ROBO1: variants seen among roughly 807,000 people sequenced by gnomAD.
The protein encoded by ROBO1 is roundabout guidance receptor 1, also known as roundabout homolog 1.
ROBO1 carries 149 observed loss-of-function variants against 195.9 expected under a neutral mutation model. The ratio of observed to expected loss-of-function variants is 0.76; its 90% confidence interval spans 0.67 to 0.87. ROBO1 has a LOEUF of 0.87. Ranked by LOEUF, ROBO1 falls within the 40% of genes least tolerant of loss-of-function variation. The probability of loss-of-function intolerance (pLI) is 0.00; values close to 1 mark genes in which losing one functional copy is unlikely to be tolerated. For synonymous variants in ROBO1, 816 were observed against 733.2 expected, an observed-to-expected ratio of 1.11 and a Z score of -1.82; for missense variants, 1,933 against 2,068.3, an observed-to-expected ratio of 0.93 and a Z score of 1.27.
At chr3:79,506,198 CA>C (rs924575753) in intron 2 of ROBO1, among the ~76,000 whole-genome samples, 2 of 151,526 alleles carry the variant, frequency 1.3e-5, no homozygotes, top group African/African-American at 4.9e-5. Context: ...ATATGCTTTA[CA>C]AAAAAAGCCT....
At chr3:78,990,705 C>T (rs1395559527) in intron 3 of ROBO1, among the ~76,000 whole-genome samples, 1 of 151,942 alleles carries the variant, frequency 6.6e-6, no homozygotes, top group East Asian at 1.9e-4. Context: ...TTTAGTTAGG[C>T]TTTATTAAAA....
At chr3:78,711,033 C>T (rs1388168260) in intron 8 of ROBO1, among the ~76,000 whole-genome samples, 1 of 152,160 alleles carries the variant, frequency 6.6e-6, no homozygotes, top group African/African-American at 2.4e-5. Context: ...CACCTCCATT[C>T]TTTTTAAAAA....
At chr3:79,705,373 ATTTAT>A (rs1273612187) in intron 1 of ROBO1, among the ~76,000 whole-genome samples, 3 of 151,172 alleles carry the variant, frequency 2.0e-5, no homozygotes, top group Non-Finnish European at 4.4e-5. Context: ...CTCTGTCTAG[ATTTAT>A]TTTGTTTTCT....
chr3:79,577,335 G>A (rs1943519887), intron 2 of ROBO1, among the ~76,000 whole-genome samples: 1 of 151,988 alleles, frequency 6.6e-6, no homozygotes, highest in Non-Finnish European at 1.5e-5. Context: ...TATGTAAAAA[G>A]AGAAAATATT....
chr3:79,705,231 T>G (rs1418922183), intron 1 of ROBO1, among the ~76,000 whole-genome samples: 1 of 152,046 alleles, frequency 6.6e-6, no homozygotes, highest in African/African-American at 2.4e-5. Flanking sequence ...TCATAAATTG[T>G]GCCTTTGATG....
At chr3:79,636,015 CA>C (rs1945485571) in intron 1 of ROBO1, among the ~76,000 whole-genome samples, 1 of 151,938 alleles carries the variant, frequency 6.6e-6, no homozygotes, top group Non-Finnish European at 1.5e-5. Context: ...TTTGTTATGC[CA>C]GTAGTCTTTC....
intron 10 of ROBO1, among the ~76,000 whole-genome samples, chr3:78,673,565 TATATATATATATATATATATATATA>T (rs1559727771): frequency 0.012 from 251 of 20,108 alleles, 3 homozygotes; most frequent in African/African-American, 0.054. Flanking sequence ...ATATATTTTA[TATATATATATATATATATATATATA>T]TATATATATA....
At chr3:79,204,649 T>A (rs370909882) in intron 2 of ROBO1, among the ~76,000 whole-genome samples, 18 of 152,294 alleles carry the variant, frequency 1.2e-4, no homozygotes, top group African/African-American at 4.1e-4. Flanking sequence ...ACTGCACAAC[T>A]CTACACTCTG....
chr3:79,345,430 T>C (rs965725211), intron 2 of ROBO1, among the ~76,000 whole-genome samples: 8 of 152,134 alleles, frequency 5.3e-5, no homozygotes, highest in African/African-American at 1.7e-4. Context: ...CTTTTTTATA[T>C]GACTTCTCTT....
At chr3:78,626,747 GCACA>G (rs1704809023) in intron 26 of ROBO1, among the ~76,000 whole-genome samples, 1 of 125,956 alleles carries the variant, frequency 7.9e-6, no homozygotes, top group South Asian at 2.6e-4. Flanking sequence ...GCACACACAA[GCACA>G]CACATACACA....
At chr3:79,350,508 T>G (rs1418243185) in intron 2 of ROBO1, among the ~76,000 whole-genome samples, 2 of 152,222 alleles carry the variant, frequency 1.3e-5, no homozygotes, top group African/African-American at 4.8e-5. Context: ...GTAGCTATAT[T>G]CATAATAGAG....
chr3:78,810,506 A>C (rs2084702893), intron 4 of ROBO1, among the ~76,000 whole-genome samples: 1 of 152,208 alleles, frequency 6.6e-6, no homozygotes, highest in South Asian at 2.1e-4. Flanking sequence ...TGCTGAAGCA[A>C]AAAATGAAGT....
At chr3:79,270,721 A>G (rs1338254679) in intron 2 of ROBO1, among the ~76,000 whole-genome samples, 2 of 151,928 alleles carry the variant, frequency 1.3e-5, no homozygotes, top group Non-Finnish European at 2.9e-5. Context: ...CTGCCAATTT[A>G]TGACCTCTGT....
At chr3:78,882,640 T>C (rs951790680) in intron 4 of ROBO1, among the ~76,000 whole-genome samples, 1 of 152,140 alleles carries the variant, frequency 6.6e-6, no homozygotes, top group African/African-American at 2.4e-5. Flanking sequence ...TCAATGTCAG[T>C]ATATCCATCC....
intron 26 of ROBO1, among the ~76,000 whole-genome samples, chr3:78,620,485 C>T (rs1423852134): frequency 6.6e-6 from 1 of 152,078 alleles, no homozygotes; most frequent in East Asian, 1.9e-4. Context: ...GCACTGCATC[C>T]TGGGCGACAG....
At chr3:78,617,208 C>T (rs1436626677) in intron 27 of ROBO1, among the ~76,000 whole-genome samples, 3 of 152,018 alleles carry the variant, frequency 2.0e-5, no homozygotes, top group African/African-American at 4.8e-5. Flanking sequence ...TTTATTTAAA[C>T]AAGAGAACTA....
chr3:78,775,697 C>T (rs969383859), intron 4 of ROBO1, among the ~76,000 whole-genome samples: 3 of 152,214 alleles, frequency 2.0e-5, no homozygotes, highest in African/African-American at 7.2e-5. Context: ...TTATTTTCTT[C>T]AGTGCATGTT....
At chr3:78,955,640 A>C (rs1322970452) in intron 3 of ROBO1, among the ~76,000 whole-genome samples, 2 of 152,164 alleles carry the variant, frequency 1.3e-5, no homozygotes. Context: ...AGTACTAAAA[A>C]TAAAGCTTTC....
chr3:78,732,100 T>C (rs1238681054), intron 5 of ROBO1, among the ~76,000 whole-genome samples: 1 of 152,084 alleles, frequency 6.6e-6, no homozygotes, highest in Non-Finnish European at 1.5e-5. Flanking sequence ...TTGCTCCAGA[T>C]CATTTGGTAA....
Sources: gnomAD v4.1 joint callset for allele counts (sites outside exome capture counted in the v4.1 genomes callset) on GRCh38, gnomAD v4.1.1 for gene constraint, MANE v1.5 for transcripts, NCBI Gene and HGNC (gene_info 2026-07-23, HGNC 2026-07-21) for gene names.